ZBTB1: variants seen among roughly 807,000 people sequenced by gnomAD.
ZBTB1 encodes zinc finger and BTB domain containing 1, also known as zinc finger and BTB domain-containing protein 1.
Under a neutral mutation model 51.6 loss-of-function variants are expected in ZBTB1, and 13 were observed. That is an observed-to-expected ratio of 0.25 (90% CI 0.16 to 0.40). ZBTB1 has a LOEUF of 0.40. ZBTB1 is among the 10% of genes least tolerant of loss of function. The probability of loss-of-function intolerance (pLI) is 1.00; values close to 1 mark genes in which losing one functional copy is unlikely to be tolerated. For missense variants in ZBTB1, 567 were observed against 856.5 expected (o/e 0.66, Z 4.22); for synonymous variants, 240 against 282.2 (o/e 0.85, Z 1.50).
chr14:64,523,784 G>A lies in ZBTB1; in HGVS notation c.*138G>A. On this transcript the variant is annotated 3_prime_UTR_variant, in exon 2 of 2. Transcript: ENST00000683701. The surrounding 1 kb of genome is among the most constrained non-coding windows in gnomAD (Gnocchi z 4.5). The stretch of plus-strand genomic sequence containing the variant: ...AGGCCCTTTTAACTTTAATATTTTT[G>A]TTTAGGATTTTAAGTATCTACATTT... The A allele has an allele frequency of 7.4e-7, 1 of 1,357,074 alleles. No homozygotes were observed. Among genetic ancestry groups the A allele is most frequent in the Non-Finnish European group, 9.5e-7 (1 of 1,049,540 alleles). 84.1% of individuals were successfully genotyped at this position (1,357,074 alleles called of 1,614,324 possible). A position where few individuals can be genotyped will look rare whatever the true frequency, so the allele number is the denominator to read the frequency against.
upstream of ZBTB1, among the ~76,000 whole-genome samples, chr14:64,504,261 CGGG>C (rs200908965): frequency 9.9e-6 from 1 of 101,252 alleles, no homozygotes; most frequent in East Asian, 2.9e-4. Context: ...AAGGTGGGGT[CGGG>C]GGGGCGCGGG....
chr14:64,515,001 T>A (rs1040431314), intron 1 of ZBTB1, among the ~76,000 whole-genome samples: 9 of 152,248 alleles, frequency 5.9e-5, no homozygotes, highest in South Asian at 2.1e-4. Context: ...TTAAATTACT[T>A]AATATGCTTA....
downstream of ZBTB1, among the ~76,000 whole-genome samples, chr14:64,526,191 C>T (rs1171283908): frequency 2.0e-5 from 3 of 152,166 alleles, no homozygotes; most frequent in Non-Finnish European, 2.9e-5. Context: ...TACAGGGAAG[C>T]ACAGGCTTCT....
At chr14:64,510,929 A>C (rs2079718116) in intron 1 of ZBTB1, among the ~76,000 whole-genome samples, 1 of 152,226 alleles carries the variant, frequency 6.6e-6, no homozygotes, top group Non-Finnish European at 1.5e-5. Context: ...TTGCAAGAGC[A>C]GGAAAGGTAG....
chr14:64,520,273 G>A (rs1025491959), intron 1 of ZBTB1, among the ~76,000 whole-genome samples: 2 of 152,152 alleles, frequency 1.3e-5, no homozygotes, highest in Admixed American at 6.5e-5. Context: ...AAAGTGCTGG[G>A]ATTACAGGTG....
chr14:64,516,233 G>A (rs1035790128), intron 1 of ZBTB1, among the ~76,000 whole-genome samples: 2 of 152,100 alleles, frequency 1.3e-5, no homozygotes, highest in Non-Finnish European at 2.9e-5. Flanking sequence ...GCCAGCCTGG[G>A]TAACAGAGTA....
Position 64,524,845 on chromosome 14 carries a change from A to C in ZBTB1, c.*1199A>C. 1 of 984,750 alleles carries C rather than the reference A, an allele frequency of 1.0e-6. No homozygotes were observed. Among genetic ancestry groups the C allele is most frequent in the Non-Finnish European group, 1.2e-6 (1 of 829,440 alleles). 61.0% of individuals were successfully genotyped at this position (984,750 alleles called of 1,614,324 possible). The stretch of plus-strand genomic sequence containing the variant: ...GAAACAGTTTATCATTTTTTCAGTT[A>C]AAGTAGTAGTATTGTTAGTTGTTGC... On this transcript the variant is annotated 3_prime_UTR_variant, in exon 2 of 2. Coordinates refer to ENST00000683701, the MANE Select transcript of ZBTB1 (RefSeq NM_001123329.2).
Position 64,521,618 on chromosome 14 carries a change from C to G in ZBTB1, c.114C>G (p.His38Gln). The G allele has an allele frequency of 6.2e-7, 1 of 1,614,204 alleles. No individual in the cohort carries two copies. Among genetic ancestry groups the G allele is most frequent in the Non-Finnish European group, 8.5e-7 (1 of 1,180,040 alleles). Residue 38 changes from histidine (H) to glutamine (Q), a missense_variant, in exon 2 of 2, where the codon CAC becomes CAG. By Grantham distance (24) the His-to-Gln change is conservative (BLOSUM62 0). Coordinates refer to ENST00000683701, the MANE Select transcript of ZBTB1 (RefSeq NM_001123329.2). Reference protein sequence around the residue: ...IAIDDIYFQAHKAVLAACSSY... With the variant: ...IAIDDIYFQAQKAVLAACSSY... ...TTGATGACATTTACTTTCAAGCACA[C>G]AAGGCAGTTCTAGCTGCCTGTAGCT...
rs1215279095 is a variant in ZBTB1 at position 64,517,775 on chromosome 14, ATATATATTT to A, written c.-18-3710_-18-3702del. 2.9e-5 allele frequency among the ~76,000 whole-genome samples: 2 copies of A among 67,990 alleles called. 1 individual carries two copies. The highest frequency in any genetic ancestry group is 5.5e-5 in the Non-Finnish European group (2 of 36,100). 44.6% of individuals were successfully genotyped at this position (67,990 alleles called of 152,430 possible). A position where few individuals can be genotyped will look rare whatever the true frequency, so the allele number is the denominator to read the frequency against. ...TTTAGAAATATATATATATATATAT[ATATATATTT>A]TTTTTTTTTTTTTTTTTTTGAGACA... is the stretch of plus-strand genomic sequence containing the variant. On this transcript the variant is annotated intron_variant, in intron 1 of 1. Coordinates refer to ENST00000683701, the MANE Select transcript of ZBTB1 (RefSeq NM_001123329.2).
intron 1 of ZBTB1, among the ~76,000 whole-genome samples, chr14:64,518,904 G>GTATATATGTA (rs1555348528): frequency 1.1e-5 from 1 of 95,128 alleles, no homozygotes; most frequent in East Asian, 3.1e-4. Context: ...TTGCAGAGAG[G>GTATATATGTA]TATATATATA....
At chr14:64,509,376 AAAG>A (rs1490851327) in intron 1 of ZBTB1, among the ~76,000 whole-genome samples, 1 of 152,132 alleles carries the variant, frequency 6.6e-6, no homozygotes, top group African/African-American at 2.4e-5. Context: ...GTCTCAAAAA[AAAG>A]AAAAGAAAAA....
At chr14:64,510,174 A>G (rs1025595301) in intron 1 of ZBTB1, among the ~76,000 whole-genome samples, 5 of 152,212 alleles carry the variant, frequency 3.3e-5, no homozygotes, top group African/African-American at 9.7e-5. Context: ...ACACATAATT[A>G]TAACCAATTC....
At chr14:64,527,463 T>G (rs575006084), downstream of ZBTB1, among the ~76,000 whole-genome samples, 6 of 151,954 alleles carry the variant, frequency 3.9e-5, no homozygotes, top group African/African-American at 1.4e-4. Context: ...ACAAAAAAAT[T>G]AGCCAGGCAT....
upstream of ZBTB1, chr14:64,503,744 G>A (rs12879827): frequency 0.47 from 175,772 of 373,152 alleles, 42,913 homozygotes; most frequent in East Asian, 0.65. Context: ...AGTGGCGCCG[G>A]CTCACGCACC....
At chr14:64,520,190 A>G (rs1024060298) in intron 1 of ZBTB1, among the ~76,000 whole-genome samples, 1 of 152,000 alleles carries the variant, frequency 6.6e-6, no homozygotes, top group African/African-American at 2.4e-5. Context: ...TTTTTAGTAG[A>G]GACAAGGTTT....
chr14:64,522,966 ATGGACT>A lies in ZBTB1; in HGVS notation c.1467_1472del (p.Asp489_Leu490del), dbSNP rs2079875110. 1.2e-5 allele frequency: 19 copies of A among 1,614,220 alleles called. No individual in the cohort carries two copies. Among genetic ancestry groups the A allele is most frequent in the Non-Finnish European group, 1.6e-5 (19 of 1,180,032 alleles). Reference sequence around the variant, plus strand: ...TGGGTTAGGAAATACTGAGGAGAAAATGGACTTGGAAGAGAATCCTGATGAGCAGTC... The same window carrying A: ...TGGGTTAGGAAATACTGAGGAGAAAATGGAAGAGAATCCTGATGAGCAGTC... On this transcript the variant is annotated inframe_deletion, in exon 2 of 2. Coordinates refer to ENST00000683701, the MANE Select transcript of ZBTB1 (RefSeq NM_001123329.2).
At chr14:64,528,017 C>A (rs938163790), downstream of ZBTB1, among the ~76,000 whole-genome samples, 3 of 151,992 alleles carry the variant, frequency 2.0e-5, no homozygotes, top group Non-Finnish European at 4.4e-5. Context: ...GAGATATTAT[C>A]TTTTATATTC....
chr14:64,517,779 ATATTTTTTTT>A (rs1265574361), intron 1 of ZBTB1, among the ~76,000 whole-genome samples: 2 of 39,804 alleles, frequency 5.0e-5, no homozygotes, highest in African/African-American at 1.8e-4. Flanking sequence ...ATATATATAT[ATATTTTTTTT>A]TTTTTTTTTT....
intron 1 of ZBTB1, among the ~76,000 whole-genome samples, chr14:64,505,375 A>T (rs2079634152): frequency 1.3e-5 from 2 of 152,114 alleles, no homozygotes; most frequent in African/African-American, 4.8e-5. Flanking sequence ...CCGAGGCTGC[A>T]GACTTGGGCG....
Sources: gnomAD v4.1 joint callset for allele counts (sites outside exome capture counted in the v4.1 genomes callset) on GRCh38, gnomAD v4.1.1 for gene constraint, Gnocchi (gnomAD v3.1) non-coding constraint, MANE v1.5 for transcripts, NCBI Gene and HGNC (gene_info 2026-07-23, HGNC 2026-07-21) for gene names.